LIX1: variants seen among roughly 807,000 people sequenced by gnomAD.
The protein encoded by LIX1 is limb and CNS expressed 1.
LIX1 carries 24 observed loss-of-function variants against 33.4 expected under a neutral mutation model. The observed-to-expected ratio is 0.72, with a 90% CI of 0.52 to 1.01. The LOEUF is 1.01. Ranked by LOEUF, LIX1 falls within the 50% of genes least tolerant of loss-of-function variation. The pLI, the probability that LIX1 is intolerant of heterozygous loss-of-function variation, is 0.00. For synonymous variants in LIX1, 124 were observed against 124.0 expected (o/e 1.00, Z 0.00); for missense variants, 311 against 339.2 (o/e 0.92, Z 0.65).
intron 5 of LIX1, among the ~76,000 whole-genome samples, 179 bp downstream of exon 5, chr5:97,096,631 G>A (rs1175256444): frequency 6.6e-6 from 1 of 152,096 alleles, no homozygotes; most frequent in Non-Finnish European, 1.5e-5. Flanking sequence ...GTGTATATTT[G>A]TCAGTCCCTG....
rs759649231 is a variant in LIX1, at chr5:97,094,757, G to A, written c.840C>T (p.Gly280=). Residue 280 remains glycine (G), a synonymous_variant, in exon 6 of 6, where the codon GGC becomes GGT. Transcript: ENST00000274382. ...CCGGGGCTTGGCCTTGCTAGTGATAGCCACACAGGGCCGTAAGGCTCAGCT... is the reference window on the plus strand; with the variant it reads ...CCGGGGCTTGGCCTTGCTAGTGATAACCACACAGGGCCGTAAGGCTCAGCT... ...DDQLSLTALC[G]YH 1.2e-6 allele frequency: 2 copies of A among 1,613,344 alleles called. No individual in the cohort carries two copies. The highest frequency in any genetic ancestry group is 1.7e-6 in the Non-Finnish European group (2 of 1,179,400).
At chr5:97,142,464 G>T (rs757153967) in intron 1 of LIX1, 31 bp downstream of exon 1, 1 of 1,537,602 alleles carries the variant, frequency 6.5e-7, no homozygotes, top group Non-Finnish European at 9.0e-7. Flanking sequence ...TTTCTAAAAA[G>T]TCAAAAAACT....
At chr5:97,127,641 G>A (rs770501441) in intron 1 of LIX1, among the ~76,000 whole-genome samples, 9 of 152,226 alleles carry the variant, frequency 5.9e-5, no homozygotes, top group South Asian at 2.1e-4. Flanking sequence ...TGGGGTGGTA[G>A]CATCAACAAG....
chr5:97,120,835 T>G (rs1053723774), intron 2 of LIX1, among the ~76,000 whole-genome samples: 1 of 152,172 alleles, frequency 6.6e-6, no homozygotes, highest in African/African-American at 2.4e-5. Flanking sequence ...ACTTTCTATT[T>G]TGAAATAAAT....
chr5:97,117,813 T>G (rs954424900), intron 2 of LIX1, among the ~76,000 whole-genome samples: 2 of 152,086 alleles, frequency 1.3e-5, no homozygotes, highest in Non-Finnish European at 2.9e-5. Flanking sequence ...ATGAATTCAT[T>G]GCCTTTTAGA....
At chr5:97,118,691 GA>G (rs35114204) in intron 2 of LIX1, among the ~76,000 whole-genome samples, 8 of 151,224 alleles carry the variant, frequency 5.3e-5, no homozygotes, top group East Asian at 1.9e-4. Context: ...ACAACTTTCT[GA>G]AAAAAAAATT....
chr5:97,115,827 T>C (rs1747621497), intron 2 of LIX1, among the ~76,000 whole-genome samples: 1 of 151,958 alleles, frequency 6.6e-6, no homozygotes, highest in African/African-American at 2.4e-5. Context: ...GATTCAAAGC[T>C]GAAGATGCCA....
chr5:97,104,557 A>G (rs1400528510), intron 4 of LIX1, among the ~76,000 whole-genome samples: 2 of 152,220 alleles, frequency 1.3e-5, no homozygotes, highest in Non-Finnish European at 1.5e-5. Flanking sequence ...TTATGACACT[A>G]TTTGTTAAAT....
chr5:97,098,952 TTCTG>T (rs950878115), intron 4 of LIX1, among the ~76,000 whole-genome samples: 18 of 152,360 alleles, frequency 1.2e-4, no homozygotes, highest in Non-Finnish European at 2.4e-4. Context: ...CAGTTTGGCA[TTCTG>T]TCTAAGTTCA....
intron 1 of LIX1, among the ~76,000 whole-genome samples, chr5:97,139,503 AG>A (rs1192788219): frequency 3.9e-5 from 6 of 152,234 alleles, no homozygotes. Context: ...AAGAGTGGAC[AG>A]GGGCTGCTTT....
intron 4 of LIX1, among the ~76,000 whole-genome samples, chr5:97,103,692 A>G (rs57415038): frequency 5.4e-4 from 82 of 152,322 alleles, no homozygotes; most frequent in Middle Eastern, 3.4e-3. Context: ...AAGGCCGGGC[A>G]CGGTGGCTCA....
chr5:97,121,204 TC>T (rs1747777177), intron 2 of LIX1, among the ~76,000 whole-genome samples: 1 of 152,162 alleles, frequency 6.6e-6, no homozygotes. Context: ...ATCAAAAAAG[TC>T]CCTTGATCTA....
chr5:97,131,012 G>T (rs1464932618), intron 1 of LIX1, among the ~76,000 whole-genome samples: 2 of 152,184 alleles, frequency 1.3e-5, no homozygotes, highest in Admixed American at 6.5e-5. Flanking sequence ...AGTTTTCAGA[G>T]TAGTATTAGA....
chr5:97,142,458 T>C (rs1172445840), intron 1 of LIX1, 37 bp downstream of exon 1: 1 of 1,487,614 alleles, frequency 6.7e-7, no homozygotes, highest in Non-Finnish European at 9.4e-7. Flanking sequence ...GACTATTTTC[T>C]AAAAAGTCAA....
intron 4 of LIX1, among the ~76,000 whole-genome samples, chr5:97,104,350 A>G (rs1230777959): frequency 6.6e-6 from 1 of 152,090 alleles, no homozygotes; most frequent in Non-Finnish European, 1.5e-5. Context: ...TGGATGTTCA[A>G]CTGCACTGGA....
At chr5:97,108,453 CT>C (rs143000092) in intron 2 of LIX1, among the ~76,000 whole-genome samples, 1,679 of 152,294 alleles carry the variant, frequency 0.011, 25 homozygotes, top group African/African-American at 0.038. Flanking sequence ...TGATTCTTTT[CT>C]GTCCTCCCTG....
At position 97,126,752 on chromosome 5, in the gene LIX1, G is replaced by T. The variant is rs937482853; in HGVS notation, c.83-2123C>A. Among the ~76,000 whole-genome samples, 4 of 146,172 alleles carry T rather than the reference G, an allele frequency of 2.7e-5. No homozygotes were observed. The Admixed American group carries it at 2.8e-4, about 10-fold the overall frequency. ...CCTCCCTGGTTCACGCCATTCTCCT[G>T]CCTCAGCCTCCTGAGTAGCTGGGAC... is the stretch of plus-strand genomic sequence containing the variant. On this transcript the variant is annotated intron_variant, in intron 1 of 5. Transcript: ENST00000274382.
rs1327178603 is a variant in LIX1 at position 97,094,030 on chromosome 5, G to A, written c.*718C>T. 6.6e-6 allele frequency: 1 copy of A among 152,230 alleles called. No individual in the cohort carries two copies. The highest frequency in any genetic ancestry group is 1.5e-5 in the Non-Finnish European group (1 of 68,006). 9.4% of individuals were successfully genotyped at this position (152,230 alleles called of 1,614,324 possible). A position where few individuals can be genotyped will look rare whatever the true frequency, so the allele number is the denominator to read the frequency against. On this transcript the variant is annotated 3_prime_UTR_variant, in exon 6 of 6. Coordinates refer to ENST00000274382, the MANE Select transcript of LIX1 (RefSeq NM_153234.5). ...ATTGATTGCAAGACTCATAAACATTGGATATTAATTCTTGAGGAATAAGAG... is the reference window on the plus strand; with the variant it reads ...ATTGATTGCAAGACTCATAAACATTAGATATTAATTCTTGAGGAATAAGAG...
chr5:97,137,972 T>C (rs867836564), intron 1 of LIX1, among the ~76,000 whole-genome samples: 1 of 152,210 alleles, frequency 6.6e-6, no homozygotes, highest in African/African-American at 2.4e-5. Flanking sequence ...TACTAAGATG[T>C]TTTTAATAGC....
Sources: gnomAD v4.1 joint callset for allele counts (sites outside exome capture counted in the v4.1 genomes callset) on GRCh38, gnomAD v4.1.1 for gene constraint, MANE v1.5 for transcripts, NCBI Gene and HGNC (gene_info 2026-07-23, HGNC 2026-07-21) for gene names.